The following ALDH1L2 variants were observed in gnomAD, a reference collection of about 807,000 sequenced individuals.
ALDH1L2 encodes the protein aldehyde dehydrogenase 1 family member L2, also known as mitochondrial 10-formyltetrahydrofolate dehydrogenase.
In ALDH1L2, 91 loss-of-function variants were observed where a neutral mutation model predicts 111.0. That is an observed-to-expected ratio of 0.82 (90% CI 0.69 to 0.98). ALDH1L2 has a LOEUF of 0.98. ALDH1L2 is among the 50% of genes least tolerant of loss of function. The pLI, the probability that ALDH1L2 is intolerant of heterozygous loss-of-function variation, is 0.00. For synonymous variants in ALDH1L2, 374 were observed against 392.6 expected, an observed-to-expected ratio of 0.95 and a Z score of 0.56; for missense variants, 995 against 1,126.8, an observed-to-expected ratio of 0.88 and a Z score of 1.67.
rs753528939 is a variant in ALDH1L2, at chr12:105,070,686, C to T, written c.312G>A (p.Val104=). 1 of 1,614,054 alleles carries T rather than the reference C, an allele frequency of 6.2e-7. No individual in the cohort carries two copies. Among genetic ancestry groups the T allele is most frequent in the Admixed American group, 1.7e-5 (1 of 60,000 alleles). ...GAATGAACTGAGTGCAGAAAGGGAG[C>T]ACATTTAGCTCTGCACCCACGGATC... ...AYRSVGAELN[V]LPFCTQFIPM... Residue 104 remains valine (V), a synonymous_variant, in exon 3 of 23, where the codon GTG becomes GTA. Coordinates refer to ENST00000258494, the MANE Select transcript of ALDH1L2 (RefSeq NM_001034173.4).
chr12:105,049,938 T>G lies in ALDH1L2; in HGVS notation c.1656A>C (p.Arg552Ser), dbSNP rs762053176. The G allele has an allele frequency of 6.2e-7, 1 of 1,611,834 alleles. No homozygotes were observed. Among genetic ancestry groups the G allele is most frequent in the East Asian group, 2.2e-5 (1 of 44,810 alleles). Residue 552 changes from arginine to serine, a missense_variant, in exon 13 of 23, where the codon AGA becomes AGC. Arg to Ser is a moderately radical substitution (Grantham distance 110, BLOSUM62 -1). Coordinates refer to ENST00000258494, the MANE Select transcript of ALDH1L2 (RefSeq NM_001034173.4). Reference protein sequence around the residue: ...THIGMSVQTFRYFAGWCDKIQ... With the variant: ...THIGMSVQTFSYFAGWCDKIQ... ...TTTTGTCGCACCAGCCAGCAAAATA[T>G]CTGAATGTTTGCACAGACATTCCAA...
At position 105,021,145 on chromosome 12, in the gene ALDH1L2, G is replaced by T. The variant is rs1347054170; in HGVS notation, c.*3279C>A. The T allele has an allele frequency of 1.3e-5, 2 of 152,328 alleles. No individual in the cohort carries two copies. The highest frequency in any genetic ancestry group is 4.8e-5 in the African/African-American group (2 of 41,460). 9.4% of individuals were successfully genotyped at this position (152,328 alleles called of 1,614,324 possible). On this transcript the variant is annotated 3_prime_UTR_variant, in exon 23 of 23. Coordinates refer to ENST00000258494, the MANE Select transcript of ALDH1L2 (RefSeq NM_001034173.4). ...AGGTAGCTAGGAGCAAGATCAGTAG[G>T]CCAGGTAAATACGTTGGACTTTGGT... is the stretch of plus-strand genomic sequence containing the variant.
At chr12:105,043,074 C>A (rs1875636532) in intron 15 of ALDH1L2, among the ~76,000 whole-genome samples, 1 of 152,122 alleles carries the variant, frequency 6.6e-6, no homozygotes, top group Non-Finnish European at 1.5e-5. Context: ...TATTGTATGG[C>A]TGGATAACGC....
Position 105,034,292 on chromosome 12 carries a change from T to G in ALDH1L2, c.2244+8A>C. ...AAACAACTCAGAGTAAATGTGAAGG[T>G]GCCTCACCACTCTTGTCACAAATTC... is the stretch of plus-strand genomic sequence containing the variant. On this transcript the variant is annotated splice_region_variant and intron_variant, in intron 19 of 22. Coordinates refer to ENST00000258494, the MANE Select transcript of ALDH1L2 (RefSeq NM_001034173.4). 1 of 1,613,384 alleles carries G rather than the reference T, an allele frequency of 6.2e-7. No homozygotes were observed. Among genetic ancestry groups the G allele is most frequent in the Non-Finnish European group, 8.5e-7 (1 of 1,179,598 alleles).
chr12:105,054,198 C>T (rs1876474007), intron 10 of ALDH1L2, among the ~76,000 whole-genome samples: 1 of 152,172 alleles, frequency 6.6e-6, no homozygotes, highest in African/African-American at 2.4e-5. Context: ...TTAGGTTGGT[C>T]TGACTCCAAA....
At chr12:105,042,028 G>A (rs981829303) in intron 15 of ALDH1L2, among the ~76,000 whole-genome samples, 4 of 152,074 alleles carry the variant, frequency 2.6e-5, no homozygotes, top group Admixed American at 6.6e-5. Context: ...AGGGGTCATC[G>A]CTTCTAGGCC....
chr12:105,078,689 C>T (rs1878193053), intron 1 of ALDH1L2, among the ~76,000 whole-genome samples: 1 of 152,110 alleles, frequency 6.6e-6, no homozygotes, highest in Admixed American at 6.5e-5. Context: ...CTCGGGAATC[C>T]ACCAACTAGT....
At position 105,043,789 on chromosome 12, in the gene ALDH1L2, G is replaced by A. The variant is rs1211256926; in HGVS notation, c.1863+2921C>T. Among the ~76,000 whole-genome samples, 3 of 152,138 alleles carry A rather than the reference G, an allele frequency of 2.0e-5. No homozygotes were observed. The East Asian group carries it at 5.8e-4, about 29-fold the overall frequency. On this transcript the variant is annotated intron_variant, in intron 15 of 22. Transcript: ENST00000258494. ...GATTATAGGTTTGCATAATACATGGGAAAGCCTCTAGTATGGTTCTGGGCA... is the reference window on the plus strand; with the variant it reads ...GATTATAGGTTTGCATAATACATGGAAAAGCCTCTAGTATGGTTCTGGGCA...
chr12:105,053,211 C>T (rs1267566315), intron 10 of ALDH1L2, among the ~76,000 whole-genome samples: 2 of 152,174 alleles, frequency 1.3e-5, no homozygotes, highest in Admixed American at 6.5e-5. Flanking sequence ...ACTCACAAGA[C>T]CTCTAGATAA....
intron 18 of ALDH1L2, among the ~76,000 whole-genome samples, chr12:105,035,925 T>C (rs1874975448): frequency 9.1e-6 from 1 of 110,466 alleles, no homozygotes; most frequent in Non-Finnish European, 1.7e-5. Flanking sequence ...TATATATACA[T>C]ATATTTATAT....
chr12:105,041,511 A>G (rs6539181), intron 15 of ALDH1L2, among the ~76,000 whole-genome samples: 54,962 of 152,038 alleles, frequency 0.36, 10,160 homozygotes, highest in South Asian at 0.51. Flanking sequence ...ATCACTGTAA[A>G]TTACTATTTT....
At chr12:105,033,566 T>C (rs1874819973) in intron 19 of ALDH1L2, among the ~76,000 whole-genome samples, 1 of 152,180 alleles carries the variant, frequency 6.6e-6, no homozygotes, top group African/African-American at 2.4e-5. Flanking sequence ...GGGGAAAATA[T>C]AGCTGGATGC....
chr12:105,052,984 T>A, intron 10 of ALDH1L2, 53 bp from the exon 11 acceptor site: 1 of 1,591,584 alleles, frequency 6.3e-7, no homozygotes, highest in Non-Finnish European at 8.6e-7. Flanking sequence ...ACCAATTTGA[T>A]GTCAAACAGC....
chr12:105,062,981 C>T lies in ALDH1L2; in HGVS notation c.828G>A (p.Val276=). ...FYGSTLLNSS[V]PPGEPLEIKG... is the part of the protein sequence containing the mutation. ...TAATTTCCAGTGGTTCTCCAGGAGG[C>T]ACAGAGCTATTCAGTAATGTCGAGC... The change falls in exon 7 of 23, where the codon GTG becomes GTA. Residue 276 remains valine (V), a synonymous_variant. Transcript: ENST00000258494. 6.2e-7 allele frequency: 1 copy of T among 1,614,052 alleles called. No homozygotes were observed. The highest frequency in any genetic ancestry group is 8.5e-7 in the Non-Finnish European group (1 of 1,179,996).
At chr12:105,052,254 A>T (rs751186875) in intron 11 of ALDH1L2, 37 bp from the exon 12 acceptor site, 4 of 1,519,658 alleles carry the variant, frequency 2.6e-6, no homozygotes, top group Admixed American at 4.6e-5. Flanking sequence ...CCCATGAGAG[A>T]TATGAAAATA....
intron 15 of ALDH1L2, among the ~76,000 whole-genome samples, chr12:105,042,982 G>A (rs1354032057): frequency 6.6e-6 from 1 of 152,154 alleles, no homozygotes; most frequent in Non-Finnish European, 1.5e-5. Flanking sequence ...GATCCATTGA[G>A]GTGGGAAAAG....
At chr12:105,034,037 C>A (rs1874842203) in intron 19 of ALDH1L2, among the ~76,000 whole-genome samples, 1 of 152,178 alleles carries the variant, frequency 6.6e-6, no homozygotes, top group Middle Eastern at 3.2e-3. Context: ...CCAGCTTCAA[C>A]AACTACCAAC....
intron 16 of ALDH1L2, 145 bp downstream of exon 16, chr12:105,040,462 G>T: frequency 1.3e-6 from 1 of 786,704 alleles, no homozygotes; most frequent in Non-Finnish European, 2.1e-6. Flanking sequence ...CACATGGTAA[G>T]TATATTCATC....
intron 21 of ALDH1L2, among the ~76,000 whole-genome samples, chr12:105,029,024 ATT>A (rs770703019): frequency 2.1e-4 from 29 of 138,178 alleles, no homozygotes; most frequent in Non-Finnish European, 1.5e-4. Flanking sequence ...ATCTGCTTAA[ATT>A]TTTTTTTTTT....
Sources: gnomAD v4.1 joint callset for allele counts (sites outside exome capture counted in the v4.1 genomes callset) on GRCh38, gnomAD v4.1.1 for gene constraint, MANE v1.5 for transcripts, NCBI Gene and HGNC (gene_info 2026-07-23, HGNC 2026-07-21) for gene names.